Variants in TTC17 observed in about 807,000 individuals in gnomAD.
TTC17 encodes the protein tetratricopeptide repeat domain 17.
In TTC17, 58 loss-of-function variants were observed where a neutral mutation model predicts 143.8. The observed-to-expected ratio is 0.40, with a 90% confidence interval of 0.33 to 0.50. The LOEUF (loss-of-function observed/expected upper bound fraction) is 0.50, where lower values mean the gene tolerates loss of function less well. Ranked by LOEUF, TTC17 falls within the 20% of genes least tolerant of loss-of-function variation. The pLI is 0.49. For missense variants in TTC17, 1,273 were observed against 1,392.5 expected (o/e 0.91, Z 1.37); for synonymous variants, 501 against 497.8 (o/e 1.01, Z -0.09).
chr11:43,475,311 A>T (rs1022240225), intron 21 of TTC17, among the ~76,000 whole-genome samples: 3 of 152,134 alleles, frequency 2.0e-5, no homozygotes, highest in Non-Finnish European at 4.4e-5. Context: ...TAAGCAGCAA[A>T]GCATTCAAGA....
chr11:43,490,844 A>T (rs1022844428), intron 22 of TTC17: 2 of 112,092 alleles, frequency 1.8e-5, no homozygotes, highest in Non-Finnish European at 3.4e-5. Flanking sequence ...TCTGACTTCT[A>T]CTTTTTCCAC....
At chr11:43,466,830 G>T in intron 21 of TTC17, 1 of 283,658 alleles carries the variant, frequency 3.5e-6, no homozygotes, top group South Asian at 3.9e-5. Flanking sequence ...GTCCAGGAAT[G>T]GCAAGACAAG....
In TTC17 at chr11:43,451,203, G is replaced by A; in HGVS notation, c.2968G>A (p.Asp990Asn). ...CCAGGTATTACAAAATCTCGGCAAA[G>A]ACCAATATCCACAACAGTCGCTTGA... The part of the protein sequence containing the change: ...LTEVLQNLGK[D>N]QYPQQSLEQI... Residue 990 changes from aspartate to asparagine, a missense_variant, in exon 21 of 24, where the codon GAC (aspartate) becomes AAC (asparagine). Physicochemically the swap from Asp to Asn is conservative, Grantham distance 23. This residue lies in a region of TTC17 where 878 missense variants were observed against 899.8 expected (regional missense o/e 0.98). Coordinates refer to ENST00000039989, the MANE Select transcript of TTC17 (RefSeq NM_018259.6). The A allele has an allele frequency of 6.2e-7, 1 of 1,613,616 alleles. No individual in the cohort carries two copies. Among genetic ancestry groups the A allele is most frequent in the Non-Finnish European group, 8.5e-7 (1 of 1,179,590 alleles).
chr11:43,451,170 C>G lies in TTC17; in HGVS notation c.2947-12C>G. ...TTTCATTCTTCTAATCTACTATCTTCCTTCCTTCCAGGTATTACAAAATCT... is the reference window on the plus strand; with the variant it reads ...TTTCATTCTTCTAATCTACTATCTTGCTTCCTTCCAGGTATTACAAAATCT... On this transcript the variant is annotated splice_polypyrimidine_tract_variant and intron_variant, in intron 20 of 23. Transcript: ENST00000039989. 1 of 1,610,888 alleles carries G rather than the reference C, an allele frequency of 6.2e-7. No homozygotes were observed. Among genetic ancestry groups the G allele is most frequent in the Non-Finnish European group, 8.5e-7 (1 of 1,177,252 alleles).
chr11:43,450,072 C>T lies in TTC17; in HGVS notation c.2787-10C>T, dbSNP rs1947627886. Reference sequence around the variant, plus strand: ...TTCCCATAGCTAATGTGGTAATCTCCATTTTTCAGCATCACAGAACACATA... The same window carrying T: ...TTCCCATAGCTAATGTGGTAATCTCTATTTTTCAGCATCACAGAACACATA... On this transcript the variant is annotated splice_polypyrimidine_tract_variant and intron_variant, in intron 19 of 23. Coordinates refer to ENST00000039989, the MANE Select transcript of TTC17 (RefSeq NM_018259.6). 3 of 1,611,186 alleles carry T rather than the reference C, an allele frequency of 1.9e-6. No homozygotes were observed. The highest frequency in any genetic ancestry group is 2.7e-5 in the African/African-American group (2 of 74,798).
rs765811505 is a variant in TTC17 at position 43,443,446 on chromosome 11, T to C, written c.2373T>C (p.Phe791=). 4 of 1,614,014 alleles carry C rather than the reference T, an allele frequency of 2.5e-6. No homozygotes were observed. The South Asian group carries it at 3.3e-5, about 13-fold the overall frequency. Residue 791 remains phenylalanine (F), a synonymous_variant, in exon 17 of 24, where the codon TTT becomes TTC. Transcript: ENST00000039989. ...AACAGGCATGGCCTTTGGAAGGCTT[T>C]GGGGGTGCACTAGAGATGAAAGGGC... ...EFQQAWPLEG[F]GGALEMKGRR... is the part of the protein sequence containing the mutation.
chr11:43,393,093 G>GT (rs1352791530), intron 5 of TTC17, among the ~76,000 whole-genome samples: 1 of 152,174 alleles, frequency 6.6e-6, no homozygotes, highest in Non-Finnish European at 1.5e-5. Flanking sequence ...AATGTATGGA[G>GT]TTTTTTCTCA....
chr11:43,476,842 G>A (rs1948193495), intron 21 of TTC17, among the ~76,000 whole-genome samples: 1 of 151,574 alleles, frequency 6.6e-6, no homozygotes. Flanking sequence ...ATTAACATTA[G>A]ACTCCTTGCT....
Position 43,371,407 on chromosome 11 carries a change from G to A in TTC17, c.160-7826G>A, listed in dbSNP as rs1193286592. Among the ~76,000 whole-genome samples, 3 of 152,194 alleles carry A rather than the reference G, an allele frequency of 2.0e-5. No individual in the cohort carries two copies. In the East Asian group the frequency reaches 5.8e-4, roughly 29 times the overall value. On this transcript the variant is annotated intron_variant, in intron 1 of 23. Transcript: ENST00000039989. ...CTCTTTGGGTTCAATTAATTTGCCA[G>A]AGTGGCTCACAGAACTCAAGGAAAC...
intron 16 of TTC17, chr11:43,435,527 A>G (rs1048323759): frequency 3.9e-5 from 6 of 152,234 alleles, no homozygotes; most frequent in Non-Finnish European, 2.9e-5. Context: ...TTTGACTCAC[A>G]GGTAAAAGTC....
intron 21 of TTC17, among the ~76,000 whole-genome samples, chr11:43,474,233 G>A (rs921833505): frequency 6.6e-6 from 1 of 152,124 alleles, no homozygotes; most frequent in Non-Finnish European, 1.5e-5. Flanking sequence ...GACCATTTCA[G>A]TGGAATAAAA....
chr11:43,418,423 C>T (rs532215157), intron 16 of TTC17, among the ~76,000 whole-genome samples: 18 of 152,158 alleles, frequency 1.2e-4, no homozygotes, highest in African/African-American at 2.9e-4. Flanking sequence ...CTTTCAGTTT[C>T]GATTAAACAT....
intron 16 of TTC17, among the ~76,000 whole-genome samples, chr11:43,417,421 C>T (rs1352130651): frequency 2.6e-5 from 4 of 152,128 alleles, no homozygotes; most frequent in South Asian, 2.1e-4. Context: ...TCTTGTCTGA[C>T]ATCTGTTTCA....
chr11:43,386,330 T>C (rs1857168191), intron 2 of TTC17, among the ~76,000 whole-genome samples: 1 of 152,192 alleles, frequency 6.6e-6, no homozygotes, highest in African/African-American at 2.4e-5. Flanking sequence ...CATCATAGAG[T>C]GTACTTACAC....
At chr11:43,433,104 G>A (rs371397900) in intron 16 of TTC17, among the ~76,000 whole-genome samples, 2 of 152,230 alleles carry the variant, frequency 1.3e-5, no homozygotes, top group African/African-American at 4.8e-5. Flanking sequence ...AAGTTCAAGC[G>A]ATTCTCCTGC....
At chr11:43,406,703 G>T (rs1187331654) in intron 13 of TTC17, among the ~76,000 whole-genome samples, 1 of 152,106 alleles carries the variant, frequency 6.6e-6, no homozygotes, top group Non-Finnish European at 1.5e-5. Context: ...AACAGACCAT[G>T]ATCTGTGCCT....
intron 16 of TTC17, among the ~76,000 whole-genome samples, chr11:43,437,717 A>G (rs1440290723): frequency 6.6e-6 from 1 of 152,216 alleles, no homozygotes; most frequent in Non-Finnish European, 1.5e-5. Context: ...ATATAATTGC[A>G]TCTTCAGGAG....
intron 15 of TTC17, among the ~76,000 whole-genome samples, chr11:43,411,164 T>C (rs1858395304): frequency 6.6e-6 from 1 of 152,236 alleles, no homozygotes; most frequent in African/African-American, 2.4e-5. Context: ...AGGTCCTACA[T>C]GACCTTGTTA....
chr11:43,484,896 C>T (rs532173908), intron 21 of TTC17, among the ~76,000 whole-genome samples: 1 of 151,952 alleles, frequency 6.6e-6, no homozygotes, highest in East Asian at 1.9e-4. Context: ...CCCCATCGCT[C>T]GCATTACTGC....
Sources: gnomAD v4.1 joint callset for allele counts (sites outside exome capture counted in the v4.1 genomes callset) on GRCh38, gnomAD v4.1.1 for gene constraint, gnomAD v4.1.1 regional missense constraint, MANE v1.5 for transcripts, NCBI Gene and HGNC (gene_info 2026-07-23, HGNC 2026-07-21) for gene names.